PKHD1: variants seen among roughly 807,000 people sequenced by gnomAD.
PKHD1 encodes the protein PKHD1 ciliary IPT domain containing fibrocystin/polyductin.
A neutral mutation model predicts 412.0 loss-of-function variants in PKHD1; 291 were observed. The observed-to-expected ratio is 0.71, with a 90% confidence interval of 0.64 to 0.78. PKHD1 has a LOEUF of 0.78. Among genes scored for constraint, PKHD1 ranks in the 30% least tolerant of loss-of-function variants. The pLI is 0.00. For missense variants in PKHD1, 4,825 were observed against 4,950.7 expected, an observed-to-expected ratio of 0.97 and a Z score of 0.76; for synonymous variants, 1,777 against 1,821.5, an observed-to-expected ratio of 0.98 and a Z score of 0.62.
At chr6:51,709,202 C>CTACA (rs1780360239) in intron 60 of PKHD1, among the ~76,000 whole-genome samples, 1 of 152,166 alleles carries the variant, frequency 6.6e-6, no homozygotes, top group South Asian at 2.1e-4. Flanking sequence ...CCATGTTCAC[C>CTACA]TTTATCACAC....
intron 53 of PKHD1, among the ~76,000 whole-genome samples, chr6:51,786,780 A>G (rs951178852): frequency 6.6e-6 from 1 of 152,174 alleles, no homozygotes; most frequent in African/African-American, 2.4e-5. Context: ...CTGTTTCTAT[A>G]TGCCCAGTAT....
intron 65 of PKHD1, among the ~76,000 whole-genome samples, chr6:51,628,104 G>A (rs1302694208): frequency 1.3e-5 from 2 of 152,044 alleles, no homozygotes; most frequent in Non-Finnish European, 2.9e-5. Context: ...AGGTTCAGGG[G>A]GTACATGTAC....
In PKHD1 at chr6:51,670,645, A is replaced by G. The variant is rs564831227; in HGVS notation, c.10157-10676T>C. On this transcript the variant is annotated intron_variant, in intron 60 of 66. Transcript: ENST00000371117. Reference sequence around the variant, plus strand: ...TTCATGCAGTTTCTTCCTAGTCTCGATGGTCTTTACAATTTGGCATGATTT... The same window carrying G: ...TTCATGCAGTTTCTTCCTAGTCTCGGTGGTCTTTACAATTTGGCATGATTT... 1.7e-4 allele frequency among the ~76,000 whole-genome samples: 26 copies of G among 151,928 alleles called. No homozygotes were observed. In the East Asian group the frequency reaches 5.0e-3, roughly 29 times the overall value.
At chr6:51,783,784 T>C (rs1200715088) in intron 53 of PKHD1, among the ~76,000 whole-genome samples, 1 of 152,198 alleles carries the variant, frequency 6.6e-6, no homozygotes, top group African/African-American at 2.4e-5. Flanking sequence ...TTCTAACAGA[T>C]TGTAAAAATG....
At chr6:52,053,898 TA>T in intron 20 of PKHD1, 139 bp downstream of exon 20, 1 of 860,006 alleles carries the variant, frequency 1.2e-6, no homozygotes, top group Non-Finnish European at 1.9e-6. Context: ...TTTTGTCAAA[TA>T]AAATATATTC....
intron 32 of PKHD1, 52 bp from the exon 33 acceptor site, chr6:52,022,996 T>C (rs1801632676): frequency 1.2e-6 from 2 of 1,605,692 alleles, no homozygotes; most frequent in Non-Finnish European, 1.7e-6. Context: ...TCTCCCTTCT[T>C]TACTCAACTC....
At chr6:51,767,940 A>G (rs1274501317) in intron 55 of PKHD1, among the ~76,000 whole-genome samples, 2 of 152,138 alleles carry the variant, frequency 1.3e-5, no homozygotes, top group African/African-American at 4.8e-5. Flanking sequence ...CCAACAGTGT[A>G]AAAGTGTTCC....
rs370445762 is a variant in PKHD1, at chr6:52,080,366, T to C, written c.282-358A>G. The stretch of plus-strand genomic sequence containing the variant: ...AGAAAAACTAAGAGACTTATGTGTA[T>C]GAGCTTCAAACGTTAAGGGCAAAGT... On this transcript the variant is annotated intron_variant, in intron 4 of 66. Coordinates refer to ENST00000371117, the MANE Select transcript of PKHD1 (RefSeq NM_138694.4). Among the ~76,000 whole-genome samples, 12 of 152,212 alleles carry C rather than the reference T, an allele frequency of 7.9e-5. No homozygotes were observed. The East Asian group carries it at 9.6e-4, about 12-fold the overall frequency.
At chr6:51,904,302 G>A (rs1215172967) in intron 41 of PKHD1, among the ~76,000 whole-genome samples, 3 of 152,146 alleles carry the variant, frequency 2.0e-5, no homozygotes, top group African/African-American at 4.8e-5. Flanking sequence ...TATCTCCACT[G>A]TTAAGTGCCA....
At chr6:51,753,531 A>G (rs903179270) in intron 56 of PKHD1, among the ~76,000 whole-genome samples, 178 bp from the exon 57 acceptor site, 3 of 152,168 alleles carry the variant, frequency 2.0e-5, no homozygotes, top group Non-Finnish European at 2.9e-5. Flanking sequence ...AAATAAAATA[A>G]CCCATTCACT....
At chr6:51,987,848 G>A (rs1477937926) in intron 35 of PKHD1, among the ~76,000 whole-genome samples, 1 of 151,732 alleles carries the variant, frequency 6.6e-6, no homozygotes, top group South Asian at 2.1e-4. Context: ...TGAATAAAAT[G>A]GGCTCTGGAG....
At chr6:51,915,694 G>C (rs898061499) in intron 37 of PKHD1, among the ~76,000 whole-genome samples, 2 of 151,952 alleles carry the variant, frequency 1.3e-5, no homozygotes, top group Non-Finnish European at 2.9e-5. Flanking sequence ...TCAAACCCAT[G>C]TGTTCAGTAC....
chr6:52,031,580 A>G (rs1167034265), intron 29 of PKHD1, among the ~76,000 whole-genome samples: 1 of 152,180 alleles, frequency 6.6e-6, no homozygotes, highest in Non-Finnish European at 1.5e-5. Context: ...ATTCATGCAG[A>G]TTCCATTTTT....
chr6:51,869,013 A>T (rs530588193), intron 47 of PKHD1, among the ~76,000 whole-genome samples: 6 of 151,704 alleles, frequency 4.0e-5, no homozygotes, highest in East Asian at 1.9e-4. Context: ...TATAAAATAT[A>T]AAAAAAAGAA....
At chr6:51,834,419 T>C (rs1357295482) in intron 51 of PKHD1, among the ~76,000 whole-genome samples, 5 of 152,256 alleles carry the variant, frequency 3.3e-5, no homozygotes, top group African/African-American at 1.2e-4. Context: ...TATGTGCACT[T>C]AGTACGGGTA....
chr6:51,697,729 T>C (rs953869705), intron 60 of PKHD1, among the ~76,000 whole-genome samples: 5 of 152,242 alleles, frequency 3.3e-5, no homozygotes, highest in African/African-American at 1.2e-4. Flanking sequence ...TTACTGCTCT[T>C]GCAGCATGGC....
Position 52,054,098 on chromosome 6 carries a change from A to C in PKHD1, c.1904T>G (p.Phe635Cys), listed in dbSNP as rs201016555. ...LKMIVSFTIGFQNMVKNTTCD... is the reference protein window; with the variant it reads ...LKMIVSFTIGCQNMVKNTTCD... ...GGTGGTATTCTTTACCATGTTTTGA[A>C]AGCCGATTGTGAAGGACACAATCAT... The change falls in exon 20 of 67, where the codon TTT (phenylalanine) becomes TGT (cysteine). Residue 635 changes from phenylalanine (F) to cysteine (C), a missense_variant. Transcript: ENST00000371117. The C allele has an allele frequency of 3.7e-6, 6 of 1,613,984 alleles. No individual in the cohort carries two copies. The highest frequency in any genetic ancestry group is 5.1e-6 in the Non-Finnish European group (6 of 1,179,884).
At chr6:51,870,474 A>G (rs1443174940) in intron 47 of PKHD1, 30 bp downstream of exon 47, 4 of 1,576,388 alleles carry the variant, frequency 2.5e-6, no homozygotes, top group Non-Finnish European at 3.5e-6. Context: ...GGCCTTATTT[A>G]TCATCTGTTC....
chr6:52,008,795 G>C (rs1038737940), intron 35 of PKHD1, among the ~76,000 whole-genome samples: 4 of 151,930 alleles, frequency 2.6e-5, no homozygotes, highest in African/African-American at 9.7e-5. Context: ...AAGTACAGAG[G>C]GTTTAAAGAA....
Sources: gnomAD v4.1 joint callset for allele counts (sites outside exome capture counted in the v4.1 genomes callset) on GRCh38, gnomAD v4.1.1 for gene constraint, MANE v1.5 for transcripts, NCBI Gene and HGNC (gene_info 2026-07-23, HGNC 2026-07-21) for gene names.